Variants in MYO15A observed in about 807,000 individuals in gnomAD.
MYO15A encodes the protein unconventional myosin-XV.
In MYO15A, 308 loss-of-function variants were observed where a neutral mutation model predicts 394.6. The observed-to-expected ratio is 0.78, with a 90% CI of 0.71 to 0.86. The LOEUF (loss-of-function observed/expected upper bound fraction) is 0.86, where lower values mean the gene tolerates loss of function less well. MYO15A is among the 40% of genes least tolerant of loss of function. The pLI, the probability that MYO15A is intolerant of heterozygous loss-of-function variation, is 0.00. For missense variants in MYO15A, 4,606 were observed against 4,799.1 expected, an observed-to-expected ratio of 0.96 and a Z score of 1.19; for synonymous variants, 1,957 against 2,003.8, an observed-to-expected ratio of 0.98 and a Z score of 0.62.
chr17:18,127,314 C>T (rs1157872609), intron 7 of MYO15A, 149 bp downstream of exon 7: 15 of 924,626 alleles, frequency 1.6e-5, no homozygotes, highest in Middle Eastern at 2.2e-4. Context: ...GCTGCTTTTT[C>T]TGCCACCCTT....
At chr17:18,162,477 C>A in intron 57 of MYO15A, 108 bp from the exon 58 acceptor site, 1 of 1,003,436 alleles carries the variant, frequency 1.0e-6, no homozygotes, top group Non-Finnish European at 1.5e-6. Context: ...ATGCCTTCCC[C>A]ACAGCTTGTG....
At position 18,120,324 on chromosome 17, in the gene MYO15A, G is replaced by A. The variant is rs764916912; in HGVS notation, c.1524G>A (p.Gly508=). Residue 508 remains glycine (G), a synonymous_variant, in exon 2 of 66, where the codon GGG becomes GGA. Coordinates refer to ENST00000647165, the MANE Select transcript of MYO15A (RefSeq NM_016239.4). ...CTCTGGACATTCCTCTCCCCTTGGG[G>A]GATGCGGACGAAGAAGAGGACGAGG... ...PPSLDIPLPL[G]DADEEEDEEE... is the part of the protein sequence containing the mutation. 14 of 1,612,128 alleles carry A rather than the reference G, an allele frequency of 8.7e-6. No homozygotes were observed. Among genetic ancestry groups the A allele is most frequent in the Non-Finnish European group, 1.2e-5 (14 of 1,179,990 alleles).
At chr17:18,163,679 G>A in intron 59 of MYO15A, 63 bp from the exon 60 acceptor site, 1 of 1,475,492 alleles carries the variant, frequency 6.8e-7, no homozygotes, top group African/African-American at 1.4e-5. Flanking sequence ...GGCCTGAGTG[G>A]GGCCAGAAGG....
In MYO15A at chr17:18,138,072, G is replaced by T. The variant is rs759196757; in HGVS notation, c.4876-43G>T. On this transcript the variant is annotated intron_variant, in intron 16 of 65. Transcript: ENST00000647165. ...TGGGAGGGAGGGTGGGTGGGCCCTG[G>T]ACAGGGATGGGAGGTTGAGCTCCTG... 9 of 1,600,320 alleles carry T rather than the reference G, an allele frequency of 5.6e-6. No homozygotes were observed. In the Admixed American group the frequency reaches 1.5e-4, roughly 27 times the overall value.
At chr17:18,162,725 C>T (rs1311652578) in intron 58 of MYO15A, 46 bp downstream of exon 58, 5 of 1,584,734 alleles carry the variant, frequency 3.2e-6, no homozygotes, top group African/African-American at 1.3e-5. Context: ...GGAGGCTGGG[C>T]GCAGTGGCTC....
rs1222078974 is a variant in MYO15A at position 18,133,314 on chromosome 17, G to A, written c.4410G>A (p.Glu1470=). Residue 1470 remains glutamate (E), a synonymous_variant, in exon 12 of 66, where the codon GAG becomes GAA. Transcript: ENST00000647165. ...TGGAGGTGTTGGGCTTCAGCAGTGA[G>A]GACCAGGACAGCATCTTCCGCATCC... ...AAMEVLGFSS[E]DQDSIFRILA... 1 of 1,614,198 alleles carries A rather than the reference G, an allele frequency of 6.2e-7. No individual in the cohort carries two copies. Among genetic ancestry groups the A allele is most frequent in the Admixed American group, 1.7e-5 (1 of 60,024 alleles).
In MYO15A at chr17:18,117,406, C is replaced by A. The variant is rs941976773; in HGVS notation, c.-219-1176C>A. On this transcript the variant is annotated intron_variant, in intron 1 of 65. Coordinates refer to ENST00000647165, the MANE Select transcript of MYO15A (RefSeq NM_016239.4). This position sits in a 1 kb window ranked among gnomAD's most constrained non-coding sequence, Gnocchi z 4.1. ...ACGTTGAGGCTCTGAAGCCACTGAT[C>A]TGAGGGCGTGGAGCTGGCAAGTGGC... is the stretch of plus-strand genomic sequence containing the variant. Among the ~76,000 whole-genome samples, 5 of 152,274 alleles carry A rather than the reference C, an allele frequency of 3.3e-5. No individual in the cohort carries two copies. Among genetic ancestry groups the A allele is most frequent in the Non-Finnish European group, 5.9e-5 (4 of 68,054 alleles).
At chr17:18,135,924 T>A in intron 13 of MYO15A, 100 bp downstream of exon 13, 1 of 1,072,892 alleles carries the variant, frequency 9.3e-7, no homozygotes, top group Non-Finnish European at 1.4e-6. Context: ...CCCTCTCTCC[T>A]GCTCTCTCTG....
At position 18,119,898 on chromosome 17, in the gene MYO15A, A is replaced by AC; in HGVS notation, c.1101dup (p.Tyr368LeufsTer3). On this transcript the variant is annotated frameshift_variant, in exon 2 of 66. Transcript: ENST00000647165. LOFTEE classifies it high-confidence loss of function. The stretch of plus-strand genomic sequence containing the variant: ...TCCCATACCACACTCCCTACGATGT[A>AC]CCCTACTTTGATCCCTACGGAGTCC... 6.2e-7 allele frequency: 1 copy of AC among 1,613,254 alleles called. No individual in the cohort carries two copies.
intron 59 of MYO15A, 105 bp downstream of exon 59, chr17:18,163,426 C>T: frequency 8.8e-7 from 1 of 1,139,546 alleles, no homozygotes; most frequent in Non-Finnish European, 1.3e-6. Flanking sequence ...ATGCTGAGCC[C>T]TCCCAGGCTC....
In MYO15A at chr17:18,132,455, C is replaced by G. The variant is rs774789965; in HGVS notation, c.4209C>G (p.Ala1403=). 1.2e-6 allele frequency: 2 copies of G among 1,613,718 alleles called. No individual in the cohort carries two copies. Among genetic ancestry groups the G allele is most frequent in the South Asian group, 2.2e-5 (2 of 91,090 alleles). The change falls in exon 11 of 66, where the codon GCC becomes GCG. Residue 1403 remains alanine, a splice_region_variant and synonymous_variant. Coordinates refer to ENST00000647165, the MANE Select transcript of MYO15A (RefSeq NM_016239.4). The surrounding 1 kb of genome is among the most constrained non-coding windows in gnomAD (Gnocchi z 4.6). ...GTGCCCACCTACCCACTCTACAGGC[C>G]AAAAACGAGAGGAATTACCACATCT... ...LLEKSRIVFQ[A]KNERNYHIFY...
chr17:18,108,881 C>T (rs967183835), intron 1 of MYO15A, 57 bp downstream of exon 1: 8 of 152,750 alleles, frequency 5.2e-5, no homozygotes, highest in African/African-American at 1.4e-4. Flanking sequence ...CCTCGCATCC[C>T]AGGCTGCAGG....
rs908836454 is a variant in MYO15A, at chr17:18,155,029, C to T, written c.8225-81C>T. 8.1e-6 allele frequency: 11 copies of T among 1,356,204 alleles called. No homozygotes were observed. The African/African-American group carries it at 1.6e-4, about 20-fold the overall frequency. 84.0% of individuals were successfully genotyped at this position (1,356,204 alleles called of 1,614,324 possible). A position where few individuals can be genotyped will look rare whatever the true frequency, so the allele number is the denominator to read the frequency against. ...AGATACCTTCTTGCTGGGTATCAGCCACCTCCCTCCCTGACATCCCCGAGA... is the reference window on the plus strand; with the variant it reads ...AGATACCTTCTTGCTGGGTATCAGCTACCTCCCTCCCTGACATCCCCGAGA... On this transcript the variant is annotated intron_variant, in intron 45 of 65. Coordinates refer to ENST00000647165, the MANE Select transcript of MYO15A (RefSeq NM_016239.4).
intron 64 of MYO15A, 144 bp downstream of exon 64, chr17:18,172,434 T>C (rs1158170337): frequency 2.4e-6 from 3 of 1,252,810 alleles, no homozygotes; most frequent in Non-Finnish European, 3.4e-6. Flanking sequence ...TCTTCCCTCC[T>C]CTGAGCCTTG....
rs2045813088 is a variant in MYO15A, at chr17:18,117,902, A to G, written c.-219-680A>G. ...ATCAGGTCTTGCTTCCTTTTGGTGAAGGAGATGGGGCATAGCTTATCACTC... is the reference window on the plus strand; with the variant it reads ...ATCAGGTCTTGCTTCCTTTTGGTGAGGGAGATGGGGCATAGCTTATCACTC... On this transcript the variant is annotated intron_variant, in intron 1 of 65. Transcript: ENST00000647165. This position sits in a 1 kb window ranked among gnomAD's most constrained non-coding sequence, Gnocchi z 4.1. Among the ~76,000 whole-genome samples, 1 of 152,166 alleles carries G rather than the reference A, an allele frequency of 6.6e-6. No homozygotes were observed. Among genetic ancestry groups the G allele is most frequent in the Non-Finnish European group, 1.5e-5 (1 of 68,018 alleles).
Position 18,119,466 on chromosome 17 carries a change from G to C in MYO15A, c.666G>C (p.Ser222=), listed in dbSNP as rs771754649. The C allele has an allele frequency of 1.6e-5, 25 of 1,612,644 alleles. 1 individual carries two copies. In the South Asian group the frequency reaches 2.7e-4, roughly 18 times the overall value. Residue 222 remains serine (S), a synonymous_variant, in exon 2 of 66, where the codon TCG becomes TCC. Transcript: ENST00000647165. The part of the protein sequence containing the change: ...APFHHSGSRK[S]LYGLEGFQDL... ...TCCATCACTCGGGCTCCCGCAAGTC[G>C]CTGTACGGGCTTGAGGGCTTCCAGG...
rs1417482096 is a variant in MYO15A, at chr17:18,117,557, A to G, written c.-219-1025A>G. 6.6e-6 allele frequency among the ~76,000 whole-genome samples: 1 copy of G among 152,216 alleles called. No individual in the cohort carries two copies. On this transcript the variant is annotated intron_variant, in intron 1 of 65. Coordinates refer to ENST00000647165, the MANE Select transcript of MYO15A (RefSeq NM_016239.4). This position sits in a 1 kb window ranked among gnomAD's most constrained non-coding sequence, Gnocchi z 4.1. ...TGAGTTGAGGTCCATCTTGAGGAGG[A>G]AGAGGAGGAGGAGAGCTGGTTCTGA...
chr17:18,162,817 T>C, intron 58 of MYO15A, 138 bp downstream of exon 58: 1 of 856,162 alleles, frequency 1.2e-6, no homozygotes, highest in Non-Finnish European at 1.9e-6. Flanking sequence ...CTGGCCAACA[T>C]GGTGAAACCC....
chr17:18,171,785 G>T lies in MYO15A; in HGVS notation c.10216+14G>T. 1 of 1,604,648 alleles carries T rather than the reference G, an allele frequency of 6.2e-7. No individual in the cohort carries two copies. ...CCCAGTTTCTGGGTAAGAGCTGCAG[G>T]GCAGGGGAGGTGATCATAGGGGGCT... On this transcript the variant is annotated intron_variant, in intron 63 of 65. Transcript: ENST00000647165.
Sources: allele counts gnomAD v4.1 joint callset (sites outside exome capture counted in the v4.1 genomes callset), GRCh38; gene constraint gnomAD v4.1.1; non-coding constraint Gnocchi (gnomAD v3.1); transcripts MANE v1.5; gene names NCBI Gene and HGNC (gene_info 2026-07-23, HGNC 2026-07-21).